SLC44A1: variants seen among roughly 807,000 people sequenced by gnomAD.
SLC44A1 encodes solute carrier family 44 member 1.
Under a neutral mutation model 79.3 loss-of-function variants are expected in SLC44A1, and 26 were observed. That is an observed-to-expected ratio of 0.33 (90% confidence interval 0.24 to 0.46). The LOEUF is 0.46. SLC44A1 is among the 20% of genes least tolerant of loss of function. The probability of loss-of-function intolerance (pLI) is 1.00; values close to 1 mark genes in which losing one functional copy is unlikely to be tolerated. For missense variants in SLC44A1, 688 were observed against 798.1 expected (o/e 0.86, Z 1.66); for synonymous variants, 263 against 286.2 (o/e 0.92, Z 0.82).
intron 15 of SLC44A1, among the ~76,000 whole-genome samples, chr9:105,426,128 G>T (rs1038353043): frequency 1.3e-5 from 2 of 152,180 alleles, no homozygotes; most frequent in Non-Finnish European, 2.9e-5. Flanking sequence ...ACATATAGGA[G>T]AATATTTGTG....
chr9:105,417,985 C>T (rs1392362233), intron 15 of SLC44A1, among the ~76,000 whole-genome samples: 1 of 151,950 alleles, frequency 6.6e-6, no homozygotes, highest in Non-Finnish European at 1.5e-5. Flanking sequence ...CCACTACAGT[C>T]CAGTCTAGCC....
intron 4 of SLC44A1, among the ~76,000 whole-genome samples, chr9:105,343,352 C>A (rs1183070705): frequency 6.6e-6 from 1 of 152,058 alleles, no homozygotes; most frequent in African/African-American, 2.4e-5. Context: ...TACTGTTTAG[C>A]CATTAAAAAC....
rs1206814564 is a variant in SLC44A1, at chr9:105,390,040, C to G, written c.*984C>G. 1 of 1,314,564 alleles carries G rather than the reference C, an allele frequency of 7.6e-7. No homozygotes were observed. The highest frequency in any genetic ancestry group is 9.7e-7 in the Non-Finnish European group (1 of 1,026,822). 81.4% of individuals were successfully genotyped at this position (1,314,564 alleles called of 1,614,324 possible). A position where few individuals can be genotyped will look rare whatever the true frequency, so the allele number is the denominator to read the frequency against. On this transcript the variant is annotated 3_prime_UTR_variant, in exon 16 of 16. Transcript: ENST00000374720. The stretch of plus-strand genomic sequence containing the variant: ...AACGGCCATTTTATTCAAATGCTTG[C>G]TATACAATCTGAAAACACACTGGCA...
At chr9:105,266,619 G>T (rs1169480256) in intron 1 of SLC44A1, among the ~76,000 whole-genome samples, 2 of 152,126 alleles carry the variant, frequency 1.3e-5, no homozygotes, top group African/African-American at 2.4e-5. Context: ...AACCATATAT[G>T]TGTGGATCTA....
At chr9:105,411,330 C>T (rs889510948) in intron 15 of SLC44A1, among the ~76,000 whole-genome samples, 3 of 151,672 alleles carry the variant, frequency 2.0e-5, no homozygotes, top group African/African-American at 7.3e-5. Flanking sequence ...CATTTCCACT[C>T]CTCTATCCTT....
intron 1 of SLC44A1, among the ~76,000 whole-genome samples, chr9:105,278,423 T>G (rs1371055631): frequency 6.6e-6 from 1 of 152,154 alleles, no homozygotes; most frequent in East Asian, 1.9e-4. Flanking sequence ...TAATTTTTTG[T>G]ATTTTTAGTA....
At chr9:105,367,769 C>G (rs1179549036) in intron 12 of SLC44A1, among the ~76,000 whole-genome samples, 1 of 152,122 alleles carries the variant, frequency 6.6e-6, no homozygotes, top group East Asian at 1.9e-4. Flanking sequence ...CTCTTCACCC[C>G]AGCCCCTCTG....
chr9:105,289,997 G>A (rs966671778), intron 1 of SLC44A1, among the ~76,000 whole-genome samples: 7 of 151,956 alleles, frequency 4.6e-5, no homozygotes, highest in Middle Eastern at 3.2e-3. Context: ...TGTATCTTTA[G>A]TAGAGACAGG....
chr9:105,420,873 A>T (rs1016356918), intron 15 of SLC44A1, among the ~76,000 whole-genome samples: 3 of 149,984 alleles, frequency 2.0e-5, no homozygotes, highest in Non-Finnish European at 3.0e-5. Context: ...AAAAAAAAAA[A>T]AAAAAAAAAA....
intron 3 of SLC44A1, among the ~76,000 whole-genome samples, chr9:105,321,126 G>C (rs569294140): frequency 6.6e-5 from 10 of 151,940 alleles, no homozygotes; most frequent in African/African-American, 2.4e-4. Context: ...GTACTATCTG[G>C]GAAATTACTG....
chr9:105,348,229 C>A, intron 4 of SLC44A1, 129 bp from the exon 5 acceptor site: 1 of 556,392 alleles, frequency 1.8e-6, no homozygotes, highest in South Asian at 2.7e-5. Context: ...TAATATGGAT[C>A]AAATCAGATT....
chr9:105,371,378 A>C (rs1325654126), intron 12 of SLC44A1, among the ~76,000 whole-genome samples: 1 of 152,240 alleles, frequency 6.6e-6, no homozygotes, highest in Non-Finnish European at 1.5e-5. Flanking sequence ...GAAAGCAGCC[A>C]TAGACAATAT....
intron 12 of SLC44A1, among the ~76,000 whole-genome samples, chr9:105,368,908 C>T (rs1449097770): frequency 2.0e-5 from 3 of 152,054 alleles, no homozygotes; most frequent in East Asian, 1.9e-4. Context: ...TGTGCTGGCT[C>T]GTGCCTGTAG....
rs769029777 is a variant in SLC44A1, at chr9:105,365,653, G to A, written c.1410+14G>A. The A allele has an allele frequency of 6.2e-7, 1 of 1,610,556 alleles. No homozygotes were observed. The highest frequency in any genetic ancestry group is 8.5e-7 in the Non-Finnish European group (1 of 1,177,202). On this transcript the variant is annotated intron_variant, in intron 11 of 15. Coordinates refer to ENST00000374720, the MANE Select transcript of SLC44A1 (RefSeq NM_080546.5). ...CTCAAAGGAAAGGTAAGGGGAAAAT[G>A]CATTTCTGTACTTTCTGTGGGCACA...
At chr9:105,435,663 A>C (rs1483156276) in intron 15 of SLC44A1, among the ~76,000 whole-genome samples, 1 of 152,176 alleles carries the variant, frequency 6.6e-6, no homozygotes, top group Non-Finnish European at 1.5e-5. Context: ...TTGTGACTCC[A>C]GGAGGCCTGT....
chr9:105,327,117 CT>C (rs34089918), intron 3 of SLC44A1, among the ~76,000 whole-genome samples: 1 of 152,200 alleles, frequency 6.6e-6, no homozygotes, highest in Admixed American at 6.5e-5. Flanking sequence ...TTGAAATCTC[CT>C]TTTTATTCAC....
At chr9:105,271,373 T>C (rs1002710945) in intron 1 of SLC44A1, among the ~76,000 whole-genome samples, 1 of 152,192 alleles carries the variant, frequency 6.6e-6, no homozygotes, top group African/African-American at 2.4e-5. Flanking sequence ...TATCTTTTTT[T>C]CCCCCTAAAT....
chr9:105,351,570 AAGAGAGAAAGAGAGAAAGAGAGAAAG>A (rs1827416906), intron 5 of SLC44A1, among the ~76,000 whole-genome samples: 2 of 119,640 alleles, frequency 1.7e-5, no homozygotes, highest in African/African-American at 8.0e-5. Context: ...GAAAGAGAGA[AAGAGAGAAAGAGAGAAAGAGAGAAAG>A]AGAAAGAAAG....
chr9:105,374,570 C>G (rs377578910), intron 12 of SLC44A1, 28 bp from the exon 13 acceptor site: 189 of 1,592,616 alleles, frequency 1.2e-4, no homozygotes, highest in Non-Finnish European at 1.5e-4. Context: ...CAATTGTTGA[C>G]GAAAATGTTG....
Sources: gnomAD v4.1 joint callset for allele counts (sites outside exome capture counted in the v4.1 genomes callset) on GRCh38, gnomAD v4.1.1 for gene constraint, MANE v1.5 for transcripts, NCBI Gene and HGNC (gene_info 2026-07-23, HGNC 2026-07-21) for gene names.